The following CORIN variants were observed in gnomAD, a reference collection of about 807,000 sequenced individuals.
CORIN encodes the protein corin, serine peptidase.
CORIN carries 117 observed loss-of-function variants against 125.3 expected under a neutral mutation model. The ratio of observed to expected loss-of-function variants is 0.93; its 90% CI spans 0.80 to 1.09. CORIN has a LOEUF of 1.09. Ranked by LOEUF, CORIN falls within the 50% of genes least tolerant of loss-of-function variation. The pLI is 0.00. For missense variants in CORIN, 1,253 were observed against 1,306.7 expected, an observed-to-expected ratio of 0.96 and a Z score of 0.63; for synonymous variants, 450 against 466.4, an observed-to-expected ratio of 0.96 and a Z score of 0.45.
chr4:47,837,867 C>G lies in CORIN; in HGVS notation c.63+20G>C, dbSNP rs1435302702. 2.5e-6 allele frequency: 4 copies of G among 1,608,278 alleles called. No individual in the cohort carries two copies. The African/African-American group carries it at 4.0e-5, about 16-fold the overall frequency. On this transcript the variant is annotated intron_variant, in intron 1 of 21. Transcript: ENST00000273857. ...GCCATCACACCTGGCTGCGGTAGGA[C>G]AGCGAATCATCGATCTTACCGGCTT...
At chr4:47,646,606 G>C (rs1024876562) in intron 13 of CORIN, among the ~76,000 whole-genome samples, 11 of 152,308 alleles carry the variant, frequency 7.2e-5, no homozygotes, top group Middle Eastern at 3.4e-3. Context: ...TGAAGTACAT[G>C]AAGGAAGAGA....
chr4:47,623,742 C>T lies in CORIN; in HGVS notation c.2369G>A (p.Cys790Tyr), dbSNP rs748464470. The change falls in exon 19 of 22, where the codon TGT becomes TAT. Residue 790 changes from cysteine to tyrosine, a missense_variant. Physicochemically the swap from Cys to Tyr is radical, Grantham distance 194. Coordinates refer to ENST00000273857, the MANE Select transcript of CORIN (RefSeq NM_006587.4). Reference protein sequence around the residue: ...KISLLCTKQDCGRRPAARMNK... With the variant: ...KISLLCTKQDYGRRPAARMNK... ...CATTCGGGCAGCAGGGCGGCGCCCA[C>T]AGTCTACCAAGGAGCAGAAGACACA... The T allele has an allele frequency of 2.5e-6, 4 of 1,614,202 alleles. No homozygotes were observed. The highest frequency in any genetic ancestry group is 1.7e-5 in the Admixed American group (1 of 60,026).
intron 1 of CORIN, among the ~76,000 whole-genome samples, chr4:47,810,826 A>G (rs1261884132): frequency 6.6e-6 from 1 of 152,182 alleles, no homozygotes; most frequent in Non-Finnish European, 1.5e-5. Flanking sequence ...TCTGATCTCC[A>G]GAGGAAGATT....
At chr4:47,776,419 A>C (rs1259756109) in intron 3 of CORIN, among the ~76,000 whole-genome samples, 1 of 152,080 alleles carries the variant, frequency 6.6e-6, no homozygotes, top group East Asian at 1.9e-4. Context: ...ACCACACCCA[A>C]CCAGGTCTCC....
At chr4:47,797,132 ATT>A (rs1731327102) in intron 2 of CORIN, among the ~76,000 whole-genome samples, 1 of 151,454 alleles carries the variant, frequency 6.6e-6, no homozygotes. Context: ...ATTATAGCTA[ATT>A]TTGTTTCTTT....
intron 5 of CORIN, chr4:47,706,445 TC>T: frequency 6.2e-7 from 1 of 1,610,670 alleles, no homozygotes; most frequent in Non-Finnish European, 8.5e-7. Flanking sequence ...CTTCTGAGGG[TC>T]CGCTGCTGGC....
chr4:47,689,649 A>G (rs912829474), intron 6 of CORIN, among the ~76,000 whole-genome samples: 2 of 152,240 alleles, frequency 1.3e-5, no homozygotes, highest in African/African-American at 4.8e-5. Context: ...AGAAGTATTC[A>G]TCTACTAAGC....
chr4:47,645,860 TGG>T lies in CORIN; in HGVS notation c.1844-668_1844-667del, dbSNP rs567382162. Among the ~76,000 whole-genome samples, 11 of 152,282 alleles carry T rather than the reference TGG, an allele frequency of 7.2e-5. No homozygotes were observed. In the East Asian group the frequency reaches 2.1e-3, roughly 29 times the overall value. On this transcript the variant is annotated intron_variant, in intron 13 of 21. Coordinates refer to ENST00000273857, the MANE Select transcript of CORIN (RefSeq NM_006587.4). ...GAGATTGCACAACTGCACTCCAGCCTGGGTGACAGAACAAGACTCTGCCTTTT... is the reference window on the plus strand; with the variant it reads ...GAGATTGCACAACTGCACTCCAGCCTGTGACAGAACAAGACTCTGCCTTTT...
intron 3 of CORIN, among the ~76,000 whole-genome samples, chr4:47,765,312 C>CA (rs59527992): frequency 7.6e-5 from 11 of 144,070 alleles, no homozygotes; most frequent in Non-Finnish European, 1.2e-4. Context: ...CTCCGTCCCC[C>CA]AAAAAAAAAA....
intron 5 of CORIN, chr4:47,706,710 T>C: frequency 1.9e-6 from 3 of 1,606,558 alleles, no homozygotes; most frequent in South Asian, 1.1e-5. Context: ...TGTGGGGCTC[T>C]GGGAGTCCTG....
At chr4:47,749,217 T>C (rs937369941) in intron 4 of CORIN, among the ~76,000 whole-genome samples, 3 of 152,138 alleles carry the variant, frequency 2.0e-5, no homozygotes, top group Non-Finnish European at 2.9e-5. Flanking sequence ...TCCCCTCCTC[T>C]GGAGTGTAGG....
intron 3 of CORIN, among the ~76,000 whole-genome samples, chr4:47,765,138 C>T (rs1729656304): frequency 6.6e-6 from 1 of 151,846 alleles, no homozygotes; most frequent in Non-Finnish European, 1.5e-5. Context: ...GGTGAAACCC[C>T]ATCTCTACTA....
Position 47,746,614 on chromosome 4 carries a change from A to G in CORIN, c.618-2031T>C, listed in dbSNP as rs1489862523. 3.3e-5 allele frequency among the ~76,000 whole-genome samples: 5 copies of G among 151,586 alleles called. No individual in the cohort carries two copies. In the South Asian group the frequency reaches 8.4e-4, roughly 25 times the overall value. ...TGCAGTGGCGCCATAGGCTCACTGC[A>G]GGCTCTGCCTCCTGGTTTCAAGCGA... On this transcript the variant is annotated intron_variant, in intron 4 of 21. Transcript: ENST00000273857.
chr4:47,772,823 A>AGTTTTTGTATC (rs1730111361), intron 3 of CORIN, among the ~76,000 whole-genome samples: 1 of 152,218 alleles, frequency 6.6e-6, no homozygotes, highest in Non-Finnish European at 1.5e-5. Context: ...TGTGAACTAG[A>AGTTTTTGTATC]CAGGGGAGAG....
chr4:47,643,009 A>T, intron 15 of CORIN, 137 bp downstream of exon 15: 2 of 1,541,746 alleles, frequency 1.3e-6, no homozygotes, highest in South Asian at 2.4e-5. Flanking sequence ...ATAGATCAGC[A>T]CTATCAGCTT....
At chr4:47,824,880 A>ATCCC (rs1198926814) in intron 1 of CORIN, among the ~76,000 whole-genome samples, 2 of 152,170 alleles carry the variant, frequency 1.3e-5, no homozygotes, top group Non-Finnish European at 2.9e-5. Context: ...AGCTTGAAAG[A>ATCCC]TCCCTCCCCA....
chr4:47,643,520 C>T (rs1338419052), intron 14 of CORIN, among the ~76,000 whole-genome samples: 1 of 152,130 alleles, frequency 6.6e-6, no homozygotes, highest in East Asian at 1.9e-4. Flanking sequence ...ACTGAATAAA[C>T]AGTACTCACA....
intron 2 of CORIN, among the ~76,000 whole-genome samples, chr4:47,801,047 T>G (rs1466655084): frequency 1.3e-5 from 2 of 152,132 alleles, no homozygotes; most frequent in African/African-American, 4.8e-5. Context: ...CTAGCTTCAG[T>G]CCTATGCCAA....
At chr4:47,715,720 T>A (rs1560517340) in intron 5 of CORIN, among the ~76,000 whole-genome samples, 1 of 152,336 alleles carries the variant, frequency 6.6e-6, no homozygotes, top group East Asian at 1.9e-4. Context: ...GGTCCCATGA[T>A]CATAATCGTC....
Sources: gnomAD v4.1 joint callset for allele counts (sites outside exome capture counted in the v4.1 genomes callset) on GRCh38, gnomAD v4.1.1 for gene constraint, MANE v1.5 for transcripts, NCBI Gene and HGNC (gene_info 2026-07-23, HGNC 2026-07-21) for gene names.